TRIM66: variants seen among roughly 807,000 people sequenced by gnomAD.
The protein encoded by TRIM66 is tripartite motif containing 66.
Under a neutral mutation model 148.2 loss-of-function variants are expected in TRIM66, and 99 were observed. That is an observed-to-expected ratio of 0.67 (90% confidence interval 0.57 to 0.79). The LOEUF (loss-of-function observed/expected upper bound fraction) is 0.79. TRIM66 is among the 30% of genes least tolerant of loss of function. The pLI is 0.00. For missense variants in TRIM66, 1,666 were observed against 1,697.9 expected, an observed-to-expected ratio of 0.98 and a Z score of 0.33; for synonymous variants, 616 against 635.9, an observed-to-expected ratio of 0.97 and a Z score of 0.47.
In TRIM66 at chr11:8,640,324, G is replaced by A; in HGVS notation, c.2051C>T (p.Ser684Phe). 1.3e-6 allele frequency: 2 copies of A among 1,551,752 alleles called. No individual in the cohort carries two copies. The highest frequency in any genetic ancestry group is 2.4e-5 in the East Asian group (1 of 40,918). The change falls in exon 14 of 25, where the codon TCT becomes TTT. Residue 684 changes from serine (S) to phenylalanine (F), a missense_variant. Around this residue, in one of 3 missense-constraint regions of TRIM66, gnomAD observed 1,431 missense variants for 1,412.4 expected, o/e 1.01. Coordinates refer to ENST00000646038, the MANE Select transcript of TRIM66 (RefSeq NM_001388022.1). ...AATGGTTTGCTGAAGATGCTGAGGA[G>A]ATTTGGTCTGACTCAGTTGCAGGCT... is the stretch of plus-strand genomic sequence containing the variant. ...QPSLQLSQTKSPQHLQQTIVG... is the reference protein window; with the variant it reads ...QPSLQLSQTKFPQHLQQTIVG...
chr11:8,626,954 C>A (rs890318320), intron 15 of TRIM66, among the ~76,000 whole-genome samples: 1 of 152,208 alleles, frequency 6.6e-6, no homozygotes, highest in Admixed American at 6.5e-5. Context: ...ACAGAGAATT[C>A]TCCTACCCCT....
chr11:8,625,777 T>C (rs1445767120), intron 15 of TRIM66, among the ~76,000 whole-genome samples: 3 of 152,246 alleles, frequency 2.0e-5, no homozygotes, highest in Non-Finnish European at 1.5e-5. Flanking sequence ...CAGACCTTCT[T>C]TGAGAGAATG....
intron 12 of TRIM66, among the ~76,000 whole-genome samples, chr11:8,645,380 G>C (rs938666569): frequency 2.6e-5 from 4 of 152,064 alleles, no homozygotes; most frequent in African/African-American, 9.7e-5. Flanking sequence ...TCAGACCCCC[G>C]TGTAAACCCC....
In TRIM66 at chr11:8,625,233, A is replaced by C; in HGVS notation, c.2311-5T>G. On this transcript the variant is annotated splice_polypyrimidine_tract_variant and splice_region_variant and intron_variant, in intron 15 of 24. Transcript: ENST00000646038. ...GATGCTCAGCGAGGTGGAGTGCTGC[A>C]GGAACAGAGACAAGGGGTAGAGTCA... 6.7e-7 allele frequency: 1 copy of C among 1,490,872 alleles called. No homozygotes were observed. The highest frequency in any genetic ancestry group is 9.0e-7 in the Non-Finnish European group (1 of 1,114,084). The allele number at this position is 1,490,872 out of a possible 1,614,324, so 92.4% of individuals were successfully genotyped here. A position where few individuals can be genotyped will look rare whatever the true frequency, so the allele number is the denominator to read the frequency against.
intron 15 of TRIM66, among the ~76,000 whole-genome samples, chr11:8,629,335 T>C (rs2035169815): frequency 6.6e-6 from 1 of 152,238 alleles, no homozygotes; most frequent in African/African-American, 2.4e-5. Context: ...CTATTTGACA[T>C]GTATGTTTAG....
chr11:8,625,430 T>C (rs957069304), intron 15 of TRIM66, among the ~76,000 whole-genome samples: 22 of 149,936 alleles, frequency 1.5e-4, no homozygotes, highest in African/African-American at 5.2e-4. Context: ...TGCTAGGCTA[T>C]GACATAGAGA....
rs1165556801 is a variant in TRIM66 at position 8,613,465 on chromosome 11, A to C, written c.*4479T>G. 1.3e-5 allele frequency: 2 copies of C among 152,180 alleles called. No homozygotes were observed. The highest frequency in any genetic ancestry group is 1.5e-5 in the Non-Finnish European group (1 of 68,042). 9.4% of individuals were successfully genotyped at this position (152,180 alleles called of 1,614,324 possible). The stretch of plus-strand genomic sequence containing the variant: ...TGGTGACTTTTATGAAAAAGTATAG[A>C]GGGCTGAAGAACAGCTGAGGAAGAA... On this transcript the variant is annotated 3_prime_UTR_variant, in exon 25 of 25. Transcript: ENST00000646038.
chr11:8,623,599 C>T (rs1485076209), intron 17 of TRIM66, among the ~76,000 whole-genome samples: 2 of 152,152 alleles, frequency 1.3e-5, no homozygotes, highest in African/African-American at 4.8e-5. Flanking sequence ...CTAATCATTA[C>T]AAATTAAACA....
At chr11:8,682,706 C>G (rs2039503099), upstream of TRIM66, 3 of 1,391,426 alleles carry the variant, frequency 2.2e-6, no homozygotes, top group Admixed American at 1.7e-5. Context: ...GGAGGCCCCG[C>G]CCGAAGCCCG....
intron 12 of TRIM66, chr11:8,644,413 C>T (rs1465324321): frequency 2.2e-6 from 1 of 453,882 alleles, no homozygotes; most frequent in Non-Finnish European, 4.4e-6. Flanking sequence ...ATGTTTTAAC[C>T]CTCTTATTAT....
At chr11:8,638,861 G>A (rs766455160) in intron 14 of TRIM66, 46 bp from the exon 15 acceptor site, 82 of 1,532,454 alleles carry the variant, frequency 5.4e-5, no homozygotes, top group Non-Finnish European at 6.6e-5. Flanking sequence ...TGCAGACAGC[G>A]TAGCAGCAGC....
intron 12 of TRIM66, among the ~76,000 whole-genome samples, chr11:8,645,241 C>T (rs985676634): frequency 6.6e-6 from 1 of 152,200 alleles, no homozygotes; most frequent in Non-Finnish European, 1.5e-5. Context: ...GGATGCACTA[C>T]AGGCACCTTA....
chr11:8,682,514 G>A, intron 1 of TRIM66, 87 bp downstream of exon 1: 1 of 499,950 alleles, frequency 2.0e-6, no homozygotes, highest in East Asian at 3.9e-5. Context: ...CCTGGCTCAA[G>A]CAAGCACGGG....
chr11:8,659,645 G>C (rs2038111014), intron 6 of TRIM66, among the ~76,000 whole-genome samples: 1 of 152,164 alleles, frequency 6.6e-6, no homozygotes, highest in Non-Finnish European at 1.5e-5. Flanking sequence ...TAGAAATCCT[G>C]AATCTACCAA....
chr11:8,682,987 T>A, upstream of TRIM66: 2 of 948,570 alleles, frequency 2.1e-6, no homozygotes, highest in Non-Finnish European at 3.2e-6. Context: ...CCCGGAGCCG[T>A]GTGTTAGGCC....
In TRIM66 at chr11:8,624,971, G is replaced by C; in HGVS notation, c.2568C>G (p.Phe856Leu). The C allele has an allele frequency of 6.4e-7, 1 of 1,551,768 alleles. No homozygotes were observed. Among genetic ancestry groups the C allele is most frequent in the South Asian group, 1.2e-5 (1 of 84,062 alleles). Residue 856 changes from phenylalanine to leucine, a missense_variant, in exon 16 of 25, where the codon TTC (phenylalanine) becomes TTG (leucine). Transcript: ENST00000646038. Reference sequence around the variant, plus strand: ...CACTTATCAGGTTGGGCATGGACTGGAATGTGCTATGCACAAGGCTGGGCA... The same window carrying C: ...CACTTATCAGGTTGGGCATGGACTGCAATGTGCTATGCACAAGGCTGGGCA... ...QTVPSLVHST[F>L]QSMPNLISDS...
At chr11:8,623,844 TCAGAGG>T (rs1452805778) in intron 17 of TRIM66, among the ~76,000 whole-genome samples, 2 of 152,122 alleles carry the variant, frequency 1.3e-5, no homozygotes, top group Admixed American at 6.5e-5. Context: ...TCCTTACTAC[TCAGAGG>T]AAGTTATCAA....
chr11:8,669,442 A>C (rs938807793), intron 6 of TRIM66, among the ~76,000 whole-genome samples: 6 of 152,146 alleles, frequency 3.9e-5, no homozygotes, highest in African/African-American at 1.2e-4. Flanking sequence ...TCAGGAGTTC[A>C]AAACCAGCCT....
chr11:8,630,215 T>C (rs774336546), intron 15 of TRIM66, among the ~76,000 whole-genome samples: 4 of 152,034 alleles, frequency 2.6e-5, no homozygotes, highest in Non-Finnish European at 5.9e-5. Context: ...AAGAGCATGA[T>C]GGGATTGGAA....
Sources: gnomAD v4.1 joint callset for allele counts (sites outside exome capture counted in the v4.1 genomes callset) on GRCh38, gnomAD v4.1.1 for gene constraint, gnomAD v4.1.1 regional missense constraint, MANE v1.5 for transcripts, NCBI Gene and HGNC (gene_info 2026-07-23, HGNC 2026-07-21) for gene names.